Variants in STARD13 observed in about 807,000 individuals in gnomAD.
The protein encoded by STARD13 is stAR-related lipid transfer protein 13.
In STARD13, 62 loss-of-function variants were observed where a neutral mutation model predicts 106.4. The ratio of observed to expected loss-of-function variants is 0.58; its 90% CI spans 0.48 to 0.72. The LOEUF is 0.72. Ranked by LOEUF, STARD13 falls within the 30% of genes least tolerant of loss-of-function variation. The pLI is 0.00. For synonymous variants in STARD13, 565 were observed against 553.0 expected, an observed-to-expected ratio of 1.02 and a Z score of -0.31; for missense variants, 1,387 against 1,424.0, an observed-to-expected ratio of 0.97 and a Z score of 0.42.
chr13:33,224,879 C>T (rs917699645), intron 1 of STARD13, among the ~76,000 whole-genome samples: 5 of 152,056 alleles, frequency 3.3e-5, no homozygotes, highest in African/African-American at 9.7e-5. Flanking sequence ...TAAGCATAAC[C>T]GACCTTTGAT....
rs188136526 is a variant in STARD13 at position 33,333,076 on chromosome 13, T to G, written c.124+17214A>C. On this transcript the variant is annotated intron_variant, in intron 1 of 5. Transcript: ENST00000567873. ...AAGGGACATTTCCATTTTAAACAGA[T>G]GACAAACATATTTTTAAATTTCAGC... Among the ~76,000 whole-genome samples the G allele has an allele frequency of 1.4e-3, 209 of 152,250 alleles. 1 individual carries two copies. Among genetic ancestry groups the G allele is most frequent in the African/African-American group, 4.9e-3 (203 of 41,556 alleles).
At chr13:33,639,987 T>C in the STARD13 span, among the ~76,000 whole-genome samples, 1 of 152,200 alleles carries the variant, frequency 6.6e-6, no homozygotes, top group Non-Finnish European at 1.5e-5. Flanking sequence ...GAGCAATGGG[T>C]GAGAGGAGAC....
At chr13:33,480,767 C>T in the STARD13 span, among the ~76,000 whole-genome samples, 2 of 151,962 alleles carry the variant, frequency 1.3e-5, no homozygotes, top group Admixed American at 6.6e-5. Context: ...CAATGAAATC[C>T]CCAGTTGTGG....
At chr13:33,152,809 A>C (rs1427901030) in intron 3 of STARD13, among the ~76,000 whole-genome samples, 2 of 152,178 alleles carry the variant, frequency 1.3e-5, no homozygotes, top group African/African-American at 4.8e-5. Flanking sequence ...ATAAAAGCCT[A>C]GTCTGGGAAA....
the STARD13 span, among the ~76,000 whole-genome samples, chr13:33,636,950 T>C: frequency 6.6e-6 from 1 of 152,214 alleles, no homozygotes; most frequent in Non-Finnish European, 1.5e-5. Flanking sequence ...AGTGGTGTTA[T>C]CTTTTCTAAA....
chr13:33,555,543 A>G, the STARD13 span, among the ~76,000 whole-genome samples: 1 of 152,194 alleles, frequency 6.6e-6, no homozygotes, highest in Non-Finnish European at 1.5e-5. Flanking sequence ...TTCTAATGCT[A>G]TTCTCTAAGC....
chr13:33,289,814 G>C (rs1447575663), upstream of STARD13, among the ~76,000 whole-genome samples: 1 of 152,090 alleles, frequency 6.6e-6, no homozygotes, highest in Non-Finnish European at 1.5e-5. Context: ...GCCCTCTTAG[G>C]AGTAACCCAT....
chr13:33,320,626 T>C (rs1420908784), intron 1 of STARD13, among the ~76,000 whole-genome samples: 3 of 152,192 alleles, frequency 2.0e-5, no homozygotes, highest in East Asian at 1.9e-4. Flanking sequence ...ATATACCTTA[T>C]GTATATTTCT....
At chr13:33,586,820 G>A in the STARD13 span, among the ~76,000 whole-genome samples, 2 of 152,082 alleles carry the variant, frequency 1.3e-5, no homozygotes, top group African/African-American at 2.4e-5. Context: ...CCTAACTTGG[G>A]TGAACCTATT....
At chr13:33,404,074 C>T in the STARD13 span, among the ~76,000 whole-genome samples, 32 of 152,214 alleles carry the variant, frequency 2.1e-4, no homozygotes, top group African/African-American at 5.3e-4. Flanking sequence ...AGTAGTAATA[C>T]GCAGAAGAGG....
the STARD13 span, among the ~76,000 whole-genome samples, chr13:33,602,555 A>C: frequency 6.6e-6 from 1 of 152,180 alleles, no homozygotes; most frequent in Non-Finnish European, 1.5e-5. Context: ...TGTCAATGTC[A>C]ATTTAAGGAC....
At chr13:33,649,911 T>C in the STARD13 span, among the ~76,000 whole-genome samples, 4 of 152,180 alleles carry the variant, frequency 2.6e-5, no homozygotes, top group Admixed American at 2.0e-4. Flanking sequence ...CGTTGTGAAA[T>C]ATAGTTTGTC....
the STARD13 span, among the ~76,000 whole-genome samples, chr13:33,514,436 C>G: frequency 1.3e-5 from 2 of 152,092 alleles, no homozygotes; most frequent in Non-Finnish European, 2.9e-5. Context: ...GGCTTGTTAC[C>G]TAGTTATCTA....
chr13:33,564,988 CA>C, the STARD13 span, among the ~76,000 whole-genome samples: 194 of 47,250 alleles, frequency 4.1e-3, 3 homozygotes, highest in Admixed American at 6.8e-3. Flanking sequence ...GACTCTGTCT[CA>C]AAAAAAAAAA....
At chr13:33,498,809 C>T in the STARD13 span, among the ~76,000 whole-genome samples, 106 of 152,298 alleles carry the variant, frequency 7.0e-4, no homozygotes, top group East Asian at 0.019. Flanking sequence ...ATATGCAATG[C>T]TTCAGAAATA....
At chr13:33,634,694 C>A in the STARD13 span, among the ~76,000 whole-genome samples, 1 of 151,218 alleles carries the variant, frequency 6.6e-6, no homozygotes. Flanking sequence ...ATAAACACCG[C>A]CCTGCCCCGC....
chr13:33,567,661 A>C, the STARD13 span, among the ~76,000 whole-genome samples: 1 of 148,348 alleles, frequency 6.7e-6, no homozygotes, highest in Non-Finnish European at 1.5e-5. Context: ...CAAAAAGTGA[A>C]AATGGTTCAA....
At chr13:33,284,924 G>T (rs1168261818) in intron 1 of STARD13, among the ~76,000 whole-genome samples, 1 of 152,064 alleles carries the variant, frequency 6.6e-6, no homozygotes, top group Non-Finnish European at 1.5e-5. Flanking sequence ...TCTCTACCAG[G>T]AAAACAATAT....
At chr13:33,340,806 C>T (rs530613301) in intron 1 of STARD13, among the ~76,000 whole-genome samples, 69 of 152,348 alleles carry the variant, frequency 4.5e-4, no homozygotes, top group Admixed American at 1.4e-3. Context: ...CTATACTGCT[C>T]TTGTGCAATT....
Sources: gnomAD v4.1 joint callset for allele counts (sites outside exome capture counted in the v4.1 genomes callset) on GRCh38, gnomAD v4.1.1 for gene constraint, MANE v1.5 for transcripts, NCBI Gene and HGNC (gene_info 2026-07-23, HGNC 2026-07-21) for gene names.